CREB5: variants seen among roughly 807,000 people sequenced by gnomAD.
CREB5 encodes cyclic AMP-responsive element-binding protein 5.
Under a neutral mutation model 57.1 loss-of-function variants are expected in CREB5, and 19 were observed. The observed-to-expected ratio is 0.33, with a 90% CI of 0.23 to 0.49. The LOEUF (loss-of-function observed/expected upper bound fraction) is 0.49. CREB5 is among the 20% of genes least tolerant of loss of function. The probability of loss-of-function intolerance (pLI) is 0.99; values close to 1 mark genes in which losing one functional copy is unlikely to be tolerated. For synonymous variants in CREB5, 238 were observed against 238.3 expected (o/e 1.00, Z 0.01); for missense variants, 579 against 671.6 (o/e 0.86, Z 1.52).
chr7:28,410,078 G>C, upstream of CREB5: 1 of 399,070 alleles, frequency 2.5e-6, no homozygotes, highest in Non-Finnish European at 5.0e-6. Flanking sequence ...GTGGGCGCGC[G>C]CGCAGGGGGC....
At chr7:28,600,886 A>G (rs953274838) in intron 5 of CREB5, among the ~76,000 whole-genome samples, 1 of 152,318 alleles carries the variant, frequency 6.6e-6, no homozygotes, top group African/African-American at 2.4e-5. Context: ...ACCCCAGATG[A>G]ACACTTTCAG....
intron 1 of CREB5, among the ~76,000 whole-genome samples, chr7:28,427,037 C>T (rs1242865955): frequency 6.6e-6 from 1 of 152,138 alleles, no homozygotes; most frequent in Non-Finnish European, 1.5e-5. Context: ...GATGAAGTCC[C>T]CTTCTCTCAG....
chr7:28,384,917 C>T (rs1226115961), intron 1 of CREB5, among the ~76,000 whole-genome samples: 1 of 152,046 alleles, frequency 6.6e-6, no homozygotes, highest in Non-Finnish European at 1.5e-5. Context: ...TCAAATGTGG[C>T]TCTCTGTCTT....
intron 5 of CREB5, among the ~76,000 whole-genome samples, chr7:28,669,302 G>A (rs891248443): frequency 6.6e-6 from 1 of 152,202 alleles, no homozygotes; most frequent in Non-Finnish European, 1.5e-5. Flanking sequence ...CAAATAACTA[G>A]GCAACGTTTA....
intron 4 of CREB5, among the ~76,000 whole-genome samples, chr7:28,520,249 A>G (rs77097614): frequency 2.2e-4 from 34 of 152,316 alleles, no homozygotes; most frequent in East Asian, 1.3e-3. Flanking sequence ...ATAACTTGCT[A>G]TGCTCACACA....
chr7:28,339,328 C>T (rs981663735), intron 1 of CREB5, among the ~76,000 whole-genome samples: 1 of 152,124 alleles, frequency 6.6e-6, no homozygotes, highest in Non-Finnish European at 1.5e-5. Context: ...GTCATCACAG[C>T]CATATTTGCA....
Position 28,699,974 on chromosome 7 carries a change from C to T in CREB5, c.465-18779C>T, listed in dbSNP as rs75721530. Among the ~76,000 whole-genome samples, 807 of 152,214 alleles carry T rather than the reference C, an allele frequency of 5.3e-3. 7 individuals are homozygous for T. The highest frequency in any genetic ancestry group is 0.018 in the African/African-American group (748 of 41,524). On this transcript the variant is annotated intron_variant, in intron 5 of 10. Transcript: ENST00000357727. Reference sequence around the variant, plus strand: ...TGAAATACTGGGAAATCAGTTTTAACATTTTTATATGTATATAGTTCCCAA... The same window carrying T: ...TGAAATACTGGGAAATCAGTTTTAATATTTTTATATGTATATAGTTCCCAA...
chr7:28,439,824 G>T (rs1789110583), intron 1 of CREB5, among the ~76,000 whole-genome samples: 1 of 152,134 alleles, frequency 6.6e-6, no homozygotes, highest in Non-Finnish European at 1.5e-5. Flanking sequence ...TTATCAAGTT[G>T]CATTATTATT....
intron 5 of CREB5, among the ~76,000 whole-genome samples, chr7:28,622,575 T>C (rs1350440889): frequency 6.6e-6 from 1 of 152,220 alleles, no homozygotes; most frequent in African/African-American, 2.4e-5. Flanking sequence ...GTACTTTATA[T>C]GCTTTATCTT....
chr7:28,817,247 A>C (rs780248251), intron 9 of CREB5, among the ~76,000 whole-genome samples: 29 of 152,156 alleles, frequency 1.9e-4, no homozygotes, highest in Non-Finnish European at 3.8e-4. Context: ...TGCCACCCTG[A>C]GCTGACATCA....
chr7:28,729,370 C>A (rs751846904), intron 7 of CREB5, among the ~76,000 whole-genome samples: 6 of 152,152 alleles, frequency 3.9e-5, no homozygotes, highest in Non-Finnish European at 5.9e-5. Flanking sequence ...TCTGTCGGCT[C>A]GTGGTTTCCT....
chr7:28,499,636 T>C (rs571848099), intron 3 of CREB5, among the ~76,000 whole-genome samples: 17 of 152,230 alleles, frequency 1.1e-4, no homozygotes, highest in African/African-American at 3.4e-4. Context: ...CAGGCTGGAG[T>C]GCAATGGCGC....
intron 7 of CREB5, among the ~76,000 whole-genome samples, chr7:28,759,462 A>C (rs1583683563): frequency 1.3e-5 from 2 of 152,210 alleles, no homozygotes; most frequent in East Asian, 1.9e-4. Context: ...GCAGATGTGC[A>C]GTGTTCTTTG....
intron 1 of CREB5, among the ~76,000 whole-genome samples, chr7:28,450,109 A>C (rs962329109): frequency 2.6e-5 from 4 of 152,202 alleles, no homozygotes; most frequent in African/African-American, 9.6e-5. Context: ...ATTGCTAATG[A>C]GTTTAAATTT....
At chr7:28,587,057 A>G (rs907848340) in intron 5 of CREB5, among the ~76,000 whole-genome samples, 5 of 152,230 alleles carry the variant, frequency 3.3e-5, no homozygotes, top group African/African-American at 1.2e-4. Flanking sequence ...AACAACTCAA[A>G]TGTCATTACA....
At chr7:28,496,183 G>A (rs10237156) in intron 3 of CREB5, among the ~76,000 whole-genome samples, 91 of 152,262 alleles carry the variant, frequency 6.0e-4, no homozygotes, top group African/African-American at 2.2e-3. Context: ...AACCCTAACA[G>A]GATAATCAAA....
intron 7 of CREB5, among the ~76,000 whole-genome samples, chr7:28,794,544 A>T (rs912176830): frequency 6.6e-6 from 1 of 152,240 alleles, no homozygotes; most frequent in African/African-American, 2.4e-5. Context: ...AGGTCATGAC[A>T]TAATGCTTAA....
chr7:28,550,387 G>A (rs1167969278), intron 4 of CREB5, among the ~76,000 whole-genome samples: 1 of 152,236 alleles, frequency 6.6e-6, no homozygotes, highest in Non-Finnish European at 1.5e-5. Context: ...ACCCTTCTAA[G>A]GGACAGGGAG....
chr7:28,397,060 C>T (rs183203542), intron 1 of CREB5, among the ~76,000 whole-genome samples: 5 of 152,048 alleles, frequency 3.3e-5, no homozygotes, highest in Admixed American at 1.3e-4. Context: ...TAGCATTAGA[C>T]GGTTAAATGA....
Sources: allele counts gnomAD v4.1 joint callset (sites outside exome capture counted in the v4.1 genomes callset), GRCh38; gene constraint gnomAD v4.1.1; transcripts MANE v1.5; gene names NCBI Gene and HGNC (gene_info 2026-07-23, HGNC 2026-07-21).